DHRS3: variants seen among roughly 807,000 people sequenced by gnomAD.
DHRS3 encodes short-chain dehydrogenase/reductase 3.
DHRS3 carries 14 observed loss-of-function variants against 27.2 expected under a neutral mutation model. That is an observed-to-expected ratio of 0.52 (90% CI 0.34 to 0.81). DHRS3 has a LOEUF of 0.81. DHRS3 is among the 30% of genes least tolerant of loss of function. The pLI is 0.01. For synonymous variants in DHRS3, 165 were observed against 175.9 expected, an observed-to-expected ratio of 0.94 and a Z score of 0.49; for missense variants, 322 against 406.2, an observed-to-expected ratio of 0.79 and a Z score of 1.78.
At chr1:12,607,877 A>G (rs915966090) in intron 1 of DHRS3, among the ~76,000 whole-genome samples, 3 of 149,218 alleles carry the variant, frequency 2.0e-5, no homozygotes, top group Admixed American at 6.7e-5. Flanking sequence ...GTGTGTGTGT[A>G]TATATGGAGA....
chr1:12,603,595 A>G (rs1171970866), intron 1 of DHRS3, among the ~76,000 whole-genome samples: 2 of 152,092 alleles, frequency 1.3e-5, no homozygotes, highest in African/African-American at 4.8e-5. Context: ...GCTGGCGCTG[A>G]GGTCCGCATG....
At chr1:12,582,542 TGA>T (rs1646653032) in intron 1 of DHRS3, among the ~76,000 whole-genome samples, 1 of 152,328 alleles carries the variant, frequency 6.6e-6, no homozygotes, top group African/African-American at 2.4e-5. Flanking sequence ...TCTTGTCTGT[TGA>T]ACTAAAAACA....
chr1:12,617,566 AAG>A lies in DHRS3; in HGVS notation c.-220_-219del. On this transcript the variant is annotated 5_prime_UTR_variant, in exon 1 of 6. Transcript: ENST00000616661. ...GATAAATTCTCCTCTGGGGGAGAAA[AAG>A]CGTCTCCTAAGGTTGGGACGGTAAA... 2.2e-6 allele frequency: 1 copy of A among 448,852 alleles called. No individual in the cohort carries two copies. The allele number at this position is 448,852 out of a possible 1,614,324, so 27.8% of individuals were successfully genotyped here. A position where few individuals can be genotyped will look rare whatever the true frequency, so the allele number is the denominator to read the frequency against.
chr1:12,591,992 G>A lies in DHRS3; in HGVS notation c.196-11326C>T, dbSNP rs1646750780. On this transcript the variant is annotated intron_variant, in intron 1 of 5. Transcript: ENST00000616661. The surrounding 1 kb of genome is among the most constrained non-coding windows in gnomAD (Gnocchi z 4.1). ...TGCGAGGACACTGGGGCTCTGATGG[G>A]GCTCAGGTGGGAGGACAGGTGAGGA... is the stretch of plus-strand genomic sequence containing the variant. Among the ~76,000 whole-genome samples the A allele has an allele frequency of 6.6e-6, 1 of 152,184 alleles. No homozygotes were observed. Among genetic ancestry groups the A allele is most frequent in the Admixed American group, 6.5e-5 (1 of 15,290 alleles).
At chr1:12,596,702 G>A (rs1646800363) in intron 1 of DHRS3, among the ~76,000 whole-genome samples, 1 of 152,158 alleles carries the variant, frequency 6.6e-6, no homozygotes, top group African/African-American at 2.4e-5. Flanking sequence ...TGAGTCACTT[G>A]GCATCTCTGA....
At chr1:12,597,952 A>G (rs1374019283) in intron 1 of DHRS3, among the ~76,000 whole-genome samples, 2 of 152,332 alleles carry the variant, frequency 1.3e-5, no homozygotes, top group South Asian at 2.1e-4. Flanking sequence ...AGGGTGCCCA[A>G]CAGGAACACC....
intron 1 of DHRS3, among the ~76,000 whole-genome samples, chr1:12,589,627 C>T (rs145065044): frequency 7.9e-5 from 12 of 152,118 alleles, no homozygotes; most frequent in East Asian, 3.9e-4. Flanking sequence ...TGTGAGCCAC[C>T]GTGCCCAGCC....
At chr1:12,569,196 G>A (rs1350287138) in intron 5 of DHRS3, among the ~76,000 whole-genome samples, 1 of 79,838 alleles carries the variant, frequency 1.3e-5, no homozygotes, top group Non-Finnish European at 2.5e-5. Context: ...CAGCCTGGGC[G>A]ACAAGAGTAA....
In DHRS3 at chr1:12,584,582, T is replaced by C. The variant is rs566109774; in HGVS notation, c.196-3916A>G. Among the ~76,000 whole-genome samples the C allele has an allele frequency of 4.5e-4, 69 of 151,698 alleles. 1 individual carries two copies. Among genetic ancestry groups the C allele is most frequent in the African/African-American group, 1.6e-3 (66 of 41,362 alleles). On this transcript the variant is annotated intron_variant, in intron 1 of 5. Coordinates refer to ENST00000616661, the MANE Select transcript of DHRS3 (RefSeq NM_004753.7). ...AATGAATGAATGAATGAATGACAGT[T>C]CAGGTACACAGGTGGACGGGGAAGG...
At chr1:12,603,344 A>G (rs753818446) in intron 1 of DHRS3, among the ~76,000 whole-genome samples, 16 of 152,234 alleles carry the variant, frequency 1.1e-4, no homozygotes, top group Admixed American at 2.0e-4. Context: ...ATTTCCTTGA[A>G]GCATCATTTT....
intron 1 of DHRS3, among the ~76,000 whole-genome samples, chr1:12,603,039 CTG>C (rs1646845935): frequency 6.6e-6 from 1 of 152,246 alleles, no homozygotes; most frequent in Admixed American, 6.5e-5. Flanking sequence ...TGGATTTGGG[CTG>C]AGTCCCCCTT....
At chr1:12,575,353 A>G (rs1425195209) in intron 4 of DHRS3, among the ~76,000 whole-genome samples, 2 of 152,076 alleles carry the variant, frequency 1.3e-5, no homozygotes, top group Non-Finnish European at 2.9e-5. Flanking sequence ...AAGAGGCTCA[A>G]TAAATAGCAA....
chr1:12,598,902 CTT>C (rs1646817700), intron 1 of DHRS3, among the ~76,000 whole-genome samples: 1 of 152,200 alleles, frequency 6.6e-6, no homozygotes, highest in Non-Finnish European at 1.5e-5. Flanking sequence ...GAATTCAGCT[CTT>C]GTTTTGGAAA....
chr1:12,579,089 C>T, intron 3 of DHRS3, 133 bp from the exon 4 acceptor site: 1 of 1,230,286 alleles, frequency 8.1e-7, no homozygotes, highest in South Asian at 1.4e-5. Context: ...AGGGAGAGGG[C>T]CGAGGGCTCC....
intron 1 of DHRS3, among the ~76,000 whole-genome samples, chr1:12,604,516 C>T (rs770268064): frequency 6.6e-6 from 1 of 152,202 alleles, no homozygotes; most frequent in African/African-American, 2.4e-5. Context: ...CATCCCTGCC[C>T]GCATCCTGTT....
At chr1:12,579,226 C>A in intron 3 of DHRS3, 67 bp downstream of exon 3, 1 of 1,612,080 alleles carries the variant, frequency 6.2e-7, no homozygotes, top group Middle Eastern at 1.6e-4. Flanking sequence ...CAAATCATCC[C>A]CTCCCCTCCA....
intron 1 of DHRS3, among the ~76,000 whole-genome samples, chr1:12,600,096 G>T (rs925551445): frequency 6.6e-6 from 1 of 152,148 alleles, no homozygotes; most frequent in Non-Finnish European, 1.5e-5. Context: ...CACGGCAAGT[G>T]AATAGAAGAG....
intron 1 of DHRS3, among the ~76,000 whole-genome samples, chr1:12,601,268 C>G (rs762167358): frequency 7.9e-5 from 12 of 152,236 alleles, no homozygotes; most frequent in Non-Finnish European, 1.8e-4. Flanking sequence ...GGCCATGACC[C>G]ACAGCTGGCC....
At chr1:12,589,329 T>A (rs751647595) in intron 1 of DHRS3, among the ~76,000 whole-genome samples, 3 of 152,190 alleles carry the variant, frequency 2.0e-5, no homozygotes, top group African/African-American at 7.2e-5. Flanking sequence ...TGAATTAACA[T>A]GATCTTAACC....
Sources: allele counts gnomAD v4.1 joint callset (sites outside exome capture counted in the v4.1 genomes callset), GRCh38; gene constraint gnomAD v4.1.1; non-coding constraint Gnocchi (gnomAD v3.1); transcripts MANE v1.5; gene names NCBI Gene and HGNC (gene_info 2026-07-23, HGNC 2026-07-21).